ARID2: variants seen among roughly 807,000 people sequenced by gnomAD.
The protein encoded by ARID2 is AT-rich interactive domain-containing protein 2.
A neutral mutation model predicts 184.6 loss-of-function variants in ARID2; 32 were observed. The observed-to-expected ratio is 0.17, with a 90% confidence interval of 0.13 to 0.23. ARID2 has a LOEUF of 0.23. ARID2 is among the 10% of genes least tolerant of loss of function. The probability of loss-of-function intolerance (pLI) is 1.00; values close to 1 mark genes in which losing one functional copy is unlikely to be tolerated. For synonymous variants in ARID2, 836 were observed against 772.6 expected (o/e 1.08, Z -1.36); for missense variants, 1,696 against 2,197.6 (o/e 0.77, Z 4.56).
chr12:45,816,259 C>T (rs182100877), intron 4 of ARID2, among the ~76,000 whole-genome samples: 61 of 152,214 alleles, frequency 4.0e-4, no homozygotes, highest in Non-Finnish European at 1.6e-4. Context: ...GGCACAAAAG[C>T]ATGAACCATA....
intron 3 of ARID2, among the ~76,000 whole-genome samples, chr12:45,798,528 A>T (rs1374514498): frequency 1.3e-5 from 2 of 152,204 alleles, no homozygotes; most frequent in Admixed American, 1.3e-4. Context: ...TTCATGCTTT[A>T]GCTGCCTGGA....
chr12:45,825,249 TCCCAA>T (rs1468539118), intron 6 of ARID2, among the ~76,000 whole-genome samples: 2 of 152,098 alleles, frequency 1.3e-5, no homozygotes, highest in African/African-American at 4.8e-5. Flanking sequence ...TTTGAAATGC[TCCCAA>T]CACAAAGAAA....
At chr12:45,862,780 G>A (rs1943770437) in intron 16 of ARID2, among the ~76,000 whole-genome samples, 2 of 152,330 alleles carry the variant, frequency 1.3e-5, no homozygotes, top group East Asian at 3.9e-4. Flanking sequence ...CTAGATGTCT[G>A]ACAGTTTCCC....
In ARID2 at chr12:45,811,131, C is replaced by T. The variant is rs185116704; in HGVS notation, c.285-287C>T. Among the ~76,000 whole-genome samples the T allele has an allele frequency of 2.9e-3, 444 of 151,794 alleles. 8 individuals are homozygous for T. The highest frequency in any genetic ancestry group is 0.028 in the Admixed American group (424 of 15,250). On this transcript the variant is annotated intron_variant, in intron 3 of 20. Coordinates refer to ENST00000334344, the MANE Select transcript of ARID2 (RefSeq NM_152641.4). ...GGCTGAGGCAGGAGAATGGCGTGAT[C>T]CCTGGAGGCGGAGCTTGCAGTGAGC...
At chr12:45,809,210 A>G (rs188963810) in intron 3 of ARID2, among the ~76,000 whole-genome samples, 4 of 152,362 alleles carry the variant, frequency 2.6e-5, no homozygotes, top group Non-Finnish European at 4.4e-5. Flanking sequence ...AGTCTGTTTT[A>G]ACCATTCCAC....
At chr12:45,781,536 G>A (rs1942090354) in intron 3 of ARID2, among the ~76,000 whole-genome samples, 1 of 150,796 alleles carries the variant, frequency 6.6e-6, no homozygotes, top group South Asian at 2.1e-4. Context: ...CAAGAGTAAT[G>A]GATATATTTT....
intron 6 of ARID2, among the ~76,000 whole-genome samples, chr12:45,827,128 C>T (rs1943017303): frequency 6.6e-6 from 1 of 151,646 alleles, no homozygotes; most frequent in African/African-American, 2.4e-5. Context: ...TAAGTTAACT[C>T]CAAGACAAAT....
chr12:45,863,460 C>T (rs1200005530), intron 16 of ARID2, among the ~76,000 whole-genome samples: 1 of 152,042 alleles, frequency 6.6e-6, no homozygotes. Context: ...GTGGCTTGAG[C>T]CTGTAATGCC....
intron 6 of ARID2, among the ~76,000 whole-genome samples, chr12:45,828,980 T>TA (rs1943058321): frequency 6.6e-6 from 1 of 152,050 alleles, no homozygotes; most frequent in Non-Finnish European, 1.5e-5. Context: ...TAGTTCTAGT[T>TA]ACAAAATTTT....
rs575938975 is a variant in ARID2 at position 45,892,038 on chromosome 12, C to G, written c.5089C>G (p.Leu1697Val). 19 of 1,614,152 alleles carry G rather than the reference C, an allele frequency of 1.2e-5. No individual in the cohort carries two copies. The highest frequency in any genetic ancestry group is 1.6e-5 in the Non-Finnish European group (19 of 1,180,002). ...QDKHCSKDAL[L>V]AGLKQDEPGQ... ...TAAGCACTGTTCAAAGGATGCCCTA[C>G]TTGCAGGATTAAAACAAGATGAACC... is the stretch of plus-strand genomic sequence containing the variant. Residue 1697 changes from leucine to valine, a missense_variant, in exon 18 of 21, where the codon CTT becomes GTT. Physicochemically the swap from Leu to Val is conservative, Grantham distance 32. This residue lies in a region of ARID2 where 58 missense variants were observed against 47.1 expected (regional missense o/e 1.23). Transcript: ENST00000334344.
At chr12:45,860,763 T>C (rs370612423) in intron 15 of ARID2, 38 bp from the exon 16 acceptor site, 2 of 1,416,554 alleles carry the variant, frequency 1.4e-6, no homozygotes, top group Non-Finnish European at 1.9e-6. Flanking sequence ...ATTTTTTCAG[T>C]GTCATGTCAC....
intron 3 of ARID2, among the ~76,000 whole-genome samples, chr12:45,808,225 A>T (rs1018481330): frequency 5.3e-5 from 8 of 152,194 alleles, no homozygotes; most frequent in African/African-American, 1.9e-4. Flanking sequence ...TTGAAATGTA[A>T]CTTTGTGTTT....
At chr12:45,776,873 C>T (rs958185387) in intron 3 of ARID2, among the ~76,000 whole-genome samples, 2 of 150,628 alleles carry the variant, frequency 1.3e-5, no homozygotes, top group Non-Finnish European at 2.9e-5. Context: ...ACCTCTGCCT[C>T]CCAGGTTCAA....
At position 45,906,355 on chromosome 12, in the gene ARID2, A is replaced by G. The variant is rs1944531357; in HGVS notation, c.*1277A>G. ...TCTTTTTTCCCCCAGCGTGAAATGT[A>G]TCCATTTATAACTGCCTATTGCCTG... On this transcript the variant is annotated 3_prime_UTR_variant, in exon 21 of 21. Transcript: ENST00000334344. 1 of 233,126 alleles carries G rather than the reference A, an allele frequency of 4.3e-6. No individual in the cohort carries two copies. The highest frequency in any genetic ancestry group is 2.2e-5 in the African/African-American group (1 of 45,312). The allele number at this position is 233,126 out of a possible 1,614,324, so 14.4% of individuals were successfully genotyped here.
At chr12:45,758,463 G>T (rs1283084710) in intron 3 of ARID2, among the ~76,000 whole-genome samples, 2 of 151,766 alleles carry the variant, frequency 1.3e-5, no homozygotes, top group Admixed American at 1.3e-4. Context: ...TCTTCTTCCA[G>T]TGTGACCTAG....
At chr12:45,769,182 A>G (rs918439676) in intron 3 of ARID2, among the ~76,000 whole-genome samples, 6 of 152,222 alleles carry the variant, frequency 3.9e-5, no homozygotes, top group African/African-American at 1.4e-4. Flanking sequence ...TATACACCAG[A>G]AAAAAAGCAG....
At chr12:45,814,073 G>A (rs1942761080) in intron 4 of ARID2, among the ~76,000 whole-genome samples, 1 of 152,012 alleles carries the variant, frequency 6.6e-6, no homozygotes, top group South Asian at 2.1e-4. Context: ...TGCATTTTTG[G>A]TACTTAAATT....
chr12:45,820,264 A>G (rs999849166), intron 5 of ARID2, among the ~76,000 whole-genome samples: 1 of 152,208 alleles, frequency 6.6e-6, no homozygotes, highest in African/African-American at 2.4e-5. Flanking sequence ...TAGTAAAATC[A>G]TTAGTAAATA....
Position 45,836,928 on chromosome 12 carries a change from A to G in ARID2, c.960A>G (p.Ala320=), listed in dbSNP as rs1488695159. 4 of 1,614,118 alleles carry G rather than the reference A, an allele frequency of 2.5e-6. No individual in the cohort carries two copies. Among genetic ancestry groups the G allele is most frequent in the Non-Finnish European group, 2.5e-6 (3 of 1,179,990 alleles). The change falls in exon 8 of 21, where the codon GCA becomes GCG. Residue 320 remains alanine (A), a synonymous_variant. Transcript: ENST00000334344. ...RTCLRFLLLS[A]HSHFISLRQL... ...GTCTTCGTTTCCTATTACTTTCTGC[A>G]CATAGTCATTTTATTTCTTTAAGGC...
Sources: gnomAD v4.1 joint callset for allele counts (sites outside exome capture counted in the v4.1 genomes callset) on GRCh38, gnomAD v4.1.1 for gene constraint, gnomAD v4.1.1 regional missense constraint, MANE v1.5 for transcripts, NCBI Gene and HGNC (gene_info 2026-07-23, HGNC 2026-07-21) for gene names.